Variants in SPIRE1 observed in about 807,000 individuals in gnomAD.
The protein encoded by SPIRE1 is spire type actin nucleation factor 1, also known as protein spire homolog 1.
SPIRE1 carries 40 observed loss-of-function variants against 94.1 expected under a neutral mutation model. The observed-to-expected ratio is 0.43, with a 90% CI of 0.33 to 0.55. The LOEUF is 0.55. Among genes scored for constraint, SPIRE1 ranks in the 20% least tolerant of loss-of-function variants. The pLI, the probability that SPIRE1 is intolerant of heterozygous loss-of-function variation, is 0.06. For synonymous variants in SPIRE1, 376 were observed against 371.7 expected, an observed-to-expected ratio of 1.01 and a Z score of -0.13; for missense variants, 838 against 975.2, an observed-to-expected ratio of 0.86 and a Z score of 1.87.
intron 4 of SPIRE1, among the ~76,000 whole-genome samples, chr18:12,521,998 A>G (rs1316198776): frequency 6.6e-6 from 1 of 152,184 alleles, no homozygotes; most frequent in African/African-American, 2.4e-5. Context: ...GCCAATTAAT[A>G]ACCCCACAAT....
intron 2 of SPIRE1, among the ~76,000 whole-genome samples, chr18:12,580,102 CCTT>C (rs1567947419): frequency 6.6e-6 from 1 of 152,108 alleles, no homozygotes; most frequent in Non-Finnish European, 1.5e-5. Context: ...AGAAACAGCT[CCTT>C]CTGGTTATTT....
chr18:12,576,320 G>A (rs990321776), intron 2 of SPIRE1, among the ~76,000 whole-genome samples: 1 of 152,024 alleles, frequency 6.6e-6, no homozygotes, highest in Non-Finnish European at 1.5e-5. Flanking sequence ...TATAATCACC[G>A]GGCATGGTGG....
intron 2 of SPIRE1, among the ~76,000 whole-genome samples, chr18:12,570,927 C>A (rs926531249): frequency 5.3e-5 from 8 of 152,180 alleles, no homozygotes; most frequent in African/African-American, 1.9e-4. Context: ...GGTTTACAGT[C>A]AACCAGAATG....
intron 1 of SPIRE1, chr18:12,656,692 C>A: frequency 1.0e-6 from 1 of 982,914 alleles, no homozygotes; most frequent in South Asian, 4.7e-5. Context: ...TGGGAGAAAC[C>A]TTTTCTCAAC....
intron 4 of SPIRE1, among the ~76,000 whole-genome samples, chr18:12,521,133 G>A (rs2034346511): frequency 6.6e-6 from 1 of 152,006 alleles, no homozygotes; most frequent in Non-Finnish European, 1.5e-5. Flanking sequence ...AGAAAACACT[G>A]TTTTTCCCCC....
At chr18:12,573,005 AT>A (rs2035996536) in intron 2 of SPIRE1, among the ~76,000 whole-genome samples, 1 of 152,206 alleles carries the variant, frequency 6.6e-6, no homozygotes, top group Non-Finnish European at 1.5e-5. Flanking sequence ...TGAAAGAAGA[AT>A]TGACTAAGCT....
chr18:12,554,015 T>C (rs1055329314), intron 2 of SPIRE1, among the ~76,000 whole-genome samples: 8 of 152,192 alleles, frequency 5.3e-5, no homozygotes, highest in South Asian at 4.1e-4. Context: ...TTAGAACTGA[T>C]ACCAGCTGGG....
chr18:12,594,017 G>A (rs943082315), intron 2 of SPIRE1, among the ~76,000 whole-genome samples: 14 of 152,006 alleles, frequency 9.2e-5, no homozygotes, highest in African/African-American at 3.4e-4. Flanking sequence ...TTTTTCCCTA[G>A]GAATTAGTAT....
upstream of SPIRE1, among the ~76,000 whole-genome samples, chr18:12,660,765 T>TA (rs1481777937): frequency 4.6e-5 from 7 of 152,178 alleles, no homozygotes; most frequent in Admixed American, 4.6e-4. Flanking sequence ...CTTTTTTTTT[T>TA]ATTGCCAAGT....
intron 2 of SPIRE1, 96 bp downstream of exon 2, chr18:12,634,966 G>T: frequency 9.7e-6 from 6 of 619,386 alleles, no homozygotes; most frequent in South Asian, 2.0e-5. Context: ...CTTATCAGAA[G>T]ACCAAGAACC....
At chr18:12,598,884 G>GT (rs1382104006) in intron 2 of SPIRE1, among the ~76,000 whole-genome samples, 1 of 152,128 alleles carries the variant, frequency 6.6e-6, no homozygotes, top group Non-Finnish European at 1.5e-5. Context: ...ATCACTTTAA[G>GT]TTTTTTGGCA....
chr18:12,524,136 G>A (rs1348632579), intron 4 of SPIRE1, among the ~76,000 whole-genome samples: 1 of 152,064 alleles, frequency 6.6e-6, no homozygotes, highest in Non-Finnish European at 1.5e-5. Context: ...ACTTAACAAA[G>A]TTTCTCTATA....
upstream of SPIRE1, chr18:12,658,173 G>A (rs974721835): frequency 2.3e-4 from 191 of 827,592 alleles, no homozygotes; most frequent in Non-Finnish European, 3.0e-4. Context: ...CCCCTTAGGG[G>A]GCCGCACGGG....
intron 2 of SPIRE1, among the ~76,000 whole-genome samples, chr18:12,608,801 C>T (rs2037058191): frequency 6.6e-6 from 1 of 152,172 alleles, no homozygotes; most frequent in Non-Finnish European, 1.5e-5. Context: ...ACAACAACAA[C>T]CCAAGGAACA....
chr18:12,553,138 G>A (rs2035403433), intron 2 of SPIRE1, among the ~76,000 whole-genome samples: 1 of 152,140 alleles, frequency 6.6e-6, no homozygotes, highest in African/African-American at 2.4e-5. Context: ...GTGAGACCCA[G>A]CCCCTTCCCC....
chr18:12,627,152 C>T (rs750049686), intron 2 of SPIRE1, among the ~76,000 whole-genome samples: 12 of 151,882 alleles, frequency 7.9e-5, no homozygotes, highest in Non-Finnish European at 1.3e-4. Context: ...TATACATGTG[C>T]CATGTTGGTT....
intron 2 of SPIRE1, among the ~76,000 whole-genome samples, chr18:12,551,836 A>T (rs2035359404): frequency 6.6e-6 from 1 of 152,140 alleles, no homozygotes; most frequent in Non-Finnish European, 1.5e-5. Flanking sequence ...AAGAACCAGA[A>T]ATCAGTACCA....
rs2035274990 is a variant in SPIRE1, at chr18:12,549,436, GTTGTTTTTTTTTTTTTT to G, written c.373-2549_373-2533del. Among the ~76,000 whole-genome samples, 12 of 51,920 alleles carry G rather than the reference GTTGTTTTTTTTTTTTTT, an allele frequency of 2.3e-4. 1 individual carries two copies. Among genetic ancestry groups the G allele is most frequent in the Non-Finnish European group, 4.1e-4 (11 of 26,826 alleles). The allele number at this position is 51,920 out of a possible 152,430, so 34.1% of individuals were successfully genotyped here. ...TTGCTTTTTGTTTGTTTTTGTTATTGTTGTTTTTTTTTTTTTTTTTTTTTTTTTTTTTTGGAGACAGA... is the reference window on the plus strand; with the variant it reads ...TTGCTTTTTGTTTGTTTTTGTTATTGTTTTTTTTTTTTTTTTGGAGACAGA... On this transcript the variant is annotated intron_variant, in intron 2 of 16. Coordinates refer to ENST00000409402, the MANE Select transcript of SPIRE1 (RefSeq NM_001128626.2).
chr18:12,581,613 C>T (rs1201686907), intron 2 of SPIRE1, among the ~76,000 whole-genome samples: 2 of 152,148 alleles, frequency 1.3e-5, no homozygotes, highest in Non-Finnish European at 2.9e-5. Context: ...CCCGTAATCC[C>T]GGCATTCTGG....
Sources: gnomAD v4.1 joint callset for allele counts (sites outside exome capture counted in the v4.1 genomes callset) on GRCh38, gnomAD v4.1.1 for gene constraint, MANE v1.5 for transcripts, NCBI Gene and HGNC (gene_info 2026-07-23, HGNC 2026-07-21) for gene names.